VSNL1: variants seen among roughly 807,000 people sequenced by gnomAD.
The protein encoded by VSNL1 is visinin like 1.
VSNL1 carries 6 observed loss-of-function variants against 20.4 expected under a neutral mutation model. That is an observed-to-expected ratio of 0.29 (90% CI 0.16 to 0.58). VSNL1 has a LOEUF of 0.58. Among genes scored for constraint, VSNL1 ranks in the 20% least tolerant of loss-of-function variants. The pLI is 0.90. For synonymous variants in VSNL1, 93 were observed against 86.4 expected (o/e 1.08, Z -0.42); for missense variants, 100 against 234.5 (o/e 0.43, Z 3.75).
At chr2:17,565,544 CTCTCAAAAGTACT>C (rs1176456004) in intron 1 of VSNL1, among the ~76,000 whole-genome samples, 1 of 152,150 alleles carries the variant, frequency 6.6e-6, no homozygotes, top group Admixed American at 6.5e-5. Flanking sequence ...CAAATTGCTT[CTCTCAAAAGTACT>C]TTTAGATCAT....
Position 17,627,904 on chromosome 2 carries a change from C to T in VSNL1, c.163-21506C>T, listed in dbSNP as rs148143571. On this transcript the variant is annotated intron_variant, in intron 2 of 3. Transcript: ENST00000295156. Reference sequence around the variant, plus strand: ...TGGGAAGGGCTATTATATAACTATACACTAAATTCCTTTCCAAAGCTAGTT... The same window carrying T: ...TGGGAAGGGCTATTATATAACTATATACTAAATTCCTTTCCAAAGCTAGTT... 4.1e-3 allele frequency among the ~76,000 whole-genome samples: 627 copies of T among 152,302 alleles called. 6 individuals are homozygous for T. The highest frequency in any genetic ancestry group is 0.014 in the African/African-American group (581 of 41,552).
chr2:17,605,491 G>A (rs62132141), intron 2 of VSNL1, among the ~76,000 whole-genome samples: 8,234 of 152,322 alleles, frequency 0.054, 261 homozygotes, highest in East Asian at 0.092. Context: ...GCCAGCAGAG[G>A]AGGAAACCTT....
chr2:17,560,519 G>T (rs1440006668), intron 1 of VSNL1, among the ~76,000 whole-genome samples: 1 of 152,126 alleles, frequency 6.6e-6, no homozygotes, highest in Non-Finnish European at 1.5e-5. Context: ...TCAGCAGGAA[G>T]AATGTAGCTT....
chr2:17,559,867 G>GA (rs993911679), intron 1 of VSNL1, among the ~76,000 whole-genome samples: 6 of 151,816 alleles, frequency 4.0e-5, no homozygotes, highest in Middle Eastern at 6.8e-3. Flanking sequence ...ATAAACATCA[G>GA]AAAAAATAAA....
At chr2:17,638,571 C>T (rs550473723) in intron 2 of VSNL1, among the ~76,000 whole-genome samples, 54 of 152,286 alleles carry the variant, frequency 3.5e-4, no homozygotes, top group Admixed American at 9.1e-4. Context: ...TGAGCCTGCT[C>T]CTCCTTCCCA....
intron 2 of VSNL1, among the ~76,000 whole-genome samples, chr2:17,592,875 T>G (rs1345167492): frequency 6.6e-6 from 1 of 152,080 alleles, no homozygotes; most frequent in Non-Finnish European, 1.5e-5. Context: ...AGGTACAATT[T>G]CTACTGCAGT....
At chr2:17,622,817 C>A (rs1042330920) in intron 2 of VSNL1, among the ~76,000 whole-genome samples, 1 of 152,184 alleles carries the variant, frequency 6.6e-6, no homozygotes. Context: ...CCTCACAGAT[C>A]AAATCCCAGG....
intron 2 of VSNL1, among the ~76,000 whole-genome samples, chr2:17,636,543 A>G (rs1419046699): frequency 1.3e-5 from 2 of 152,180 alleles, no homozygotes; most frequent in African/African-American, 4.8e-5. Flanking sequence ...CACTTAGAAT[A>G]TGGCTAGCAG....
At chr2:17,630,618 A>G (rs577407095) in intron 2 of VSNL1, among the ~76,000 whole-genome samples, 2 of 152,388 alleles carry the variant, frequency 1.3e-5, no homozygotes, top group East Asian at 3.9e-4. Context: ...AGAAGAGAGA[A>G]GATGATAACT....
In VSNL1 at chr2:17,645,660, AAAAG is replaced by A. The variant is rs547043225; in HGVS notation, c.163-3742_163-3739del. On this transcript the variant is annotated intron_variant, in intron 2 of 3. Transcript: ENST00000295156. ...ATATTCACAACTAGATAGATTACTG[AAAAG>A]AAAGAAATGCAGAGTGGGGCCCACT... is the stretch of plus-strand genomic sequence containing the variant. Among the ~76,000 whole-genome samples, 123 of 152,278 alleles carry A rather than the reference AAAAG, an allele frequency of 8.1e-4. 1 individual carries two copies. Among genetic ancestry groups the A allele is most frequent in the South Asian group, 8.3e-4 (4 of 4,826 alleles).
intron 2 of VSNL1, among the ~76,000 whole-genome samples, chr2:17,619,308 G>T (rs1300096368): frequency 2.0e-5 from 3 of 152,162 alleles, no homozygotes; most frequent in Non-Finnish European, 4.4e-5. Context: ...GGAGGCCTGG[G>T]TATAGGTAGA....
At chr2:17,619,314 G>A (rs1028238514) in intron 2 of VSNL1, among the ~76,000 whole-genome samples, 9 of 152,134 alleles carry the variant, frequency 5.9e-5, no homozygotes, top group African/African-American at 1.9e-4. Flanking sequence ...CTGGGTATAG[G>A]TAGAGAGCGG....
At chr2:17,650,185 T>C (rs1201642128) in intron 3 of VSNL1, among the ~76,000 whole-genome samples, 1 of 152,212 alleles carries the variant, frequency 6.6e-6, no homozygotes, top group African/African-American at 2.4e-5. Context: ...CTGCCCAGCA[T>C]GCCCTCCCCT....
chr2:17,553,051 A>G (rs1170553929), intron 1 of VSNL1, among the ~76,000 whole-genome samples: 2 of 152,126 alleles, frequency 1.3e-5, no homozygotes, highest in Admixed American at 1.3e-4. Flanking sequence ...TCCTATAAAA[A>G]GAGGGGGAGG....
At chr2:17,600,776 G>A (rs1161681506) in intron 2 of VSNL1, among the ~76,000 whole-genome samples, 1 of 152,208 alleles carries the variant, frequency 6.6e-6, no homozygotes, top group Non-Finnish European at 1.5e-5. Context: ...CACTTGGAAT[G>A]TTTGCCAATA....
intron 1 of VSNL1, among the ~76,000 whole-genome samples, chr2:17,563,016 C>G (rs1278073802): frequency 1.3e-5 from 2 of 152,176 alleles, no homozygotes; most frequent in Admixed American, 1.3e-4. Context: ...CTAAAAACAG[C>G]TTAACACTAC....
At chr2:17,642,763 GT>G (rs1245414274) in intron 2 of VSNL1, among the ~76,000 whole-genome samples, 1 of 152,218 alleles carries the variant, frequency 6.6e-6, no homozygotes, top group African/African-American at 2.4e-5. Context: ...TAAGACATAA[GT>G]GAAAATTGCT....
At chr2:17,551,799 T>C (rs1014356720) in intron 1 of VSNL1, among the ~76,000 whole-genome samples, 20 of 151,672 alleles carry the variant, frequency 1.3e-4, no homozygotes, top group Admixed American at 2.6e-4. Flanking sequence ...TGAATTAATC[T>C]GAATATTGAA....
intron 2 of VSNL1, among the ~76,000 whole-genome samples, chr2:17,610,095 A>ATAT: frequency 6.6e-6 from 1 of 152,238 alleles, no homozygotes; most frequent in Non-Finnish European, 1.5e-5. Flanking sequence ...ACATAGGGTA[A>ATAT]GGGACAAACA....
Sources: gnomAD v4.1 joint callset for allele counts (sites outside exome capture counted in the v4.1 genomes callset) on GRCh38, gnomAD v4.1.1 for gene constraint, MANE v1.5 for transcripts, NCBI Gene and HGNC (gene_info 2026-07-23, HGNC 2026-07-21) for gene names.